The following CFAP20 variants were observed in gnomAD, a reference collection of about 807,000 sequenced individuals.
CFAP20 encodes the protein cilia and flagella associated protein 20.
Under a neutral mutation model 25.5 loss-of-function variants are expected in CFAP20, and 14 were observed. The ratio of observed to expected loss-of-function variants is 0.55; its 90% confidence interval spans 0.36 to 0.86. The LOEUF (loss-of-function observed/expected upper bound fraction) is 0.86, where lower values mean the gene tolerates loss of function less well. CFAP20 is among the 40% of genes least tolerant of loss of function. CFAP20 has a pLI of 0.01. For missense variants in CFAP20, 181 were observed against 248.0 expected, an observed-to-expected ratio of 0.73 and a Z score of 1.81; for synonymous variants, 75 against 91.1, an observed-to-expected ratio of 0.82 and a Z score of 1.01.
intron 1 of CFAP20, among the ~76,000 whole-genome samples, chr16:58,120,634 AG>A (rs1308724004): frequency 6.6e-6 from 1 of 152,278 alleles, no homozygotes; most frequent in Non-Finnish European, 1.5e-5. Context: ...ACTTCTGCCC[AG>A]AGGCAAGCTA....
At chr16:58,125,845 C>T (rs918170884) in intron 1 of CFAP20, among the ~76,000 whole-genome samples, 3 of 152,148 alleles carry the variant, frequency 2.0e-5, no homozygotes, top group Admixed American at 1.3e-4. Context: ...CTCACAAACA[C>T]GAGTAATGCA....
chr16:58,116,918 TA>T lies in CFAP20; in HGVS notation c.117del (p.Asp39GlufsTer9). ...VRNGHIKRIT[D>X]NDIQSLVLEI... Reference sequence around the variant, plus strand: ...TCTAGCACCAGGGACTGGATGTCATTATCAGTGATTCTTTTGATGTGGCCAT... The same window carrying T: ...TCTAGCACCAGGGACTGGATGTCATTTCAGTGATTCTTTTGATGTGGCCAT... On this transcript the variant is annotated frameshift_variant, in exon 2 of 6. Coordinates refer to ENST00000262498, the MANE Select transcript of CFAP20 (RefSeq NM_013242.3). LOFTEE classifies it high-confidence loss of function. The T allele has an allele frequency of 6.2e-7, 1 of 1,614,206 alleles. No individual in the cohort carries two copies. The highest frequency in any genetic ancestry group is 1.1e-5 in the South Asian group (1 of 91,086).
At chr16:58,118,060 G>A (rs1960483504) in intron 1 of CFAP20, among the ~76,000 whole-genome samples, 2 of 152,102 alleles carry the variant, frequency 1.3e-5, no homozygotes, top group Admixed American at 1.3e-4. Context: ...GGTAGATGAT[G>A]GGGAGGAATC....
intron 1 of CFAP20, among the ~76,000 whole-genome samples, chr16:58,127,279 TA>T (rs1960628092): frequency 6.6e-6 from 1 of 152,248 alleles, no homozygotes; most frequent in Admixed American, 6.5e-5. Context: ...GGAAAACTGA[TA>T]CAAGTTTCGT....
chr16:58,129,375 C>T lies in CFAP20; in HGVS notation c.-260G>A, dbSNP rs1172885160. ...CGTCCGCGCCGCGGTATTTCCCCGC[C>T]TTCAATGGAGGCGGAGGGCCGCCCG... On this transcript the variant is annotated 5_prime_UTR_variant, in exon 1 of 6. Coordinates refer to ENST00000262498, the MANE Select transcript of CFAP20 (RefSeq NM_013242.3). 2 of 470,732 alleles carry T rather than the reference C, an allele frequency of 4.2e-6. No homozygotes were observed. Among genetic ancestry groups the T allele is most frequent in the Non-Finnish European group, 7.6e-6 (2 of 262,354 alleles). The allele number at this position is 470,732 out of a possible 1,614,324, so 29.2% of individuals were successfully genotyped here.
At chr16:58,119,985 C>T (rs1243534231) in intron 1 of CFAP20, among the ~76,000 whole-genome samples, 2 of 150,730 alleles carry the variant, frequency 1.3e-5, no homozygotes, top group Admixed American at 1.3e-4. Context: ...TAAGTGCCCA[C>T]CTCACTCGCC....
intron 1 of CFAP20, among the ~76,000 whole-genome samples, chr16:58,127,399 A>G (rs977549857): frequency 6.6e-6 from 1 of 152,156 alleles, no homozygotes; most frequent in Non-Finnish European, 1.5e-5. Context: ...CTCGATTTCA[A>G]TTGCCTTATA....
At chr16:58,118,052 T>C (rs1219797159) in intron 1 of CFAP20, among the ~76,000 whole-genome samples, 1 of 152,136 alleles carries the variant, frequency 6.6e-6, no homozygotes, top group African/African-American at 2.4e-5. Context: ...ATGTAGGAGG[T>C]AGATGATGGG....
intron 1 of CFAP20, 152 bp from the exon 2 acceptor site, chr16:58,117,103 T>C: frequency 1.6e-6 from 1 of 631,696 alleles, no homozygotes. Context: ...CTATTACCTC[T>C]AGACAGGGTC....
intron 1 of CFAP20, among the ~76,000 whole-genome samples, chr16:58,125,260 G>A (rs1486257783): frequency 6.6e-6 from 1 of 152,228 alleles, no homozygotes; most frequent in African/African-American, 2.4e-5. Context: ...GTCTGCAAGA[G>A]CAATAACGCA....
intron 2 of CFAP20, chr16:58,116,489 G>A: frequency 2.9e-6 from 1 of 341,674 alleles, no homozygotes; most frequent in East Asian, 5.1e-5. Flanking sequence ...GACCTCTATG[G>A]CACTGAAAAC....
rs371674432 is a variant in CFAP20, at chr16:58,115,432, C to T, written c.302G>A (p.Arg101His). ...CTGGTAGTTACTTGCCCGAAAGCGA[C>T]GACGCACATTCTTGTCATCTAGTAC... ...VQVLDDKNVR[R>H]RFRASNYQST... is the part of the protein sequence containing the mutation. Residue 101 changes from arginine to histidine, a missense_variant, in exon 4 of 6, where the codon CGT (arginine) becomes CAT (histidine). By Grantham distance (29) the Arg-to-His change is conservative. Transcript: ENST00000262498. 1.9e-5 allele frequency: 30 copies of T among 1,614,080 alleles called. No homozygotes were observed. The highest frequency in any genetic ancestry group is 2.3e-5 in the Non-Finnish European group (27 of 1,180,052).
At chr16:58,119,885 T>C (rs1266140912) in intron 1 of CFAP20, among the ~76,000 whole-genome samples, 1 of 83,168 alleles carries the variant, frequency 1.2e-5, no homozygotes, top group Non-Finnish European at 2.5e-5. Flanking sequence ...ACTCGCCATC[T>C]ACTGTTCCCA....
chr16:58,129,104 G>GT lies in CFAP20; in HGVS notation c.11dup (p.Asn4LysfsTer36), dbSNP rs771890033. ...TGGAGAGGAAGCCGCTCTGGAACGT[G>GT]TTTTTGAACATCTCGCCGGCGGCCT... On this transcript the variant is annotated frameshift_variant, in exon 1 of 6. Coordinates refer to ENST00000262498, the MANE Select transcript of CFAP20 (RefSeq NM_013242.3). LOFTEE classifies it high-confidence loss of function. 6.2e-7 allele frequency: 1 copy of GT among 1,613,914 alleles called. No homozygotes were observed. The highest frequency in any genetic ancestry group is 1.1e-5 in the South Asian group (1 of 91,082).
intron 1 of CFAP20, among the ~76,000 whole-genome samples, chr16:58,126,238 C>A (rs1458013358): frequency 6.6e-6 from 1 of 152,166 alleles, no homozygotes; most frequent in Non-Finnish European, 1.5e-5. Context: ...CTGCCAGCCA[C>A]AGGCACACCC....
At chr16:58,119,573 G>A (rs941839271) in intron 1 of CFAP20, among the ~76,000 whole-genome samples, 6 of 152,154 alleles carry the variant, frequency 3.9e-5, no homozygotes, top group East Asian at 1.9e-4. Flanking sequence ...TGGGCTAGAC[G>A]GGACCCCAAT....
intron 1 of CFAP20, among the ~76,000 whole-genome samples, chr16:58,122,553 G>C (rs928930139): frequency 2.0e-5 from 3 of 152,086 alleles, no homozygotes; most frequent in African/African-American, 7.2e-5. Flanking sequence ...TTGCACTCCA[G>C]CCTGGGTGAC....
chr16:58,129,175 C>T lies in CFAP20; in HGVS notation c.-60G>A, dbSNP rs567820751. On this transcript the variant is annotated 5_prime_UTR_variant, in exon 1 of 6. Coordinates refer to ENST00000262498, the MANE Select transcript of CFAP20 (RefSeq NM_013242.3). ...GCCGACCTAGGCCCCGGAGTAGATA[C>T]AGGCACCGAGCGTCGAGGGCACAGC... 6,888 of 1,579,520 alleles carry T rather than the reference C, an allele frequency of 4.4e-3. 24 individuals carry two copies. Among genetic ancestry groups the T allele is most frequent in the Non-Finnish European group, 5.2e-3 (6,054 of 1,156,522 alleles).
intron 1 of CFAP20, among the ~76,000 whole-genome samples, chr16:58,123,591 G>C (rs1390944181): frequency 1.9e-5 from 1 of 53,246 alleles, no homozygotes; most frequent in Non-Finnish European, 3.5e-5. Flanking sequence ...GCAAGACTCT[G>C]TCTCAAAAAA....
Sources: gnomAD v4.1 joint callset for allele counts (sites outside exome capture counted in the v4.1 genomes callset) on GRCh38, gnomAD v4.1.1 for gene constraint, MANE v1.5 for transcripts, NCBI Gene and HGNC (gene_info 2026-07-23, HGNC 2026-07-21) for gene names.